Variants in MAP3K7 observed in about 807,000 individuals in gnomAD.
MAP3K7 encodes the protein TGF-beta activated kinase 1.
In MAP3K7, 21 loss-of-function variants were observed where a neutral mutation model predicts 84.8. The observed-to-expected ratio is 0.25, with a 90% confidence interval of 0.18 to 0.36. The LOEUF (loss-of-function observed/expected upper bound fraction) is 0.36. Ranked by LOEUF, MAP3K7 falls within the 10% of genes least tolerant of loss-of-function variation. MAP3K7 has a pLI of 1.00. For synonymous variants in MAP3K7, 241 were observed against 247.7 expected, an observed-to-expected ratio of 0.97 and a Z score of 0.25; for missense variants, 503 against 747.7, an observed-to-expected ratio of 0.67 and a Z score of 3.82.
At chr6:90,547,151 T>C in intron 11 of MAP3K7, 107 bp downstream of exon 11, 1 of 1,214,188 alleles carries the variant, frequency 8.2e-7, no homozygotes, top group East Asian at 2.6e-5. Flanking sequence ...ACTTCCTATT[T>C]AAAAAAAAAT....
intron 5 of MAP3K7, among the ~76,000 whole-genome samples, 162 bp from the exon 6 acceptor site, chr6:90,556,786 A>C (rs1776351400): frequency 6.6e-6 from 1 of 152,234 alleles, no homozygotes; most frequent in Non-Finnish European, 1.5e-5. Flanking sequence ...TAAAAGCCTA[A>C]TAGTTCAGAG....
Position 90,516,653 on chromosome 6 carries a change from C to T in MAP3K7, c.1669G>A (p.Asp557Asn), listed in dbSNP as rs1774972773. ...GATGTATTTTGCTGGTCCTTTTCAT[C>T]CTGGTCCAGTTCTGCAACTAGTTCT... Reference protein sequence around the residue: ...KQELVAELDQDEKDQQNTSRL... With the variant: ...KQELVAELDQNEKDQQNTSRL... Residue 557 changes from aspartate to asparagine, a missense_variant, in exon 17 of 17, where the codon GAT becomes AAT. This residue lies in a region of MAP3K7 where 36 missense variants were observed against 74.5 expected (regional missense o/e 0.48). Transcript: ENST00000369329. 1 of 1,607,428 alleles carries T rather than the reference C, an allele frequency of 6.2e-7. No homozygotes were observed. The highest frequency in any genetic ancestry group is 8.5e-7 in the Non-Finnish European group (1 of 1,177,786).
Position 90,571,677 on chromosome 6 carries a change from G to T in MAP3K7, c.231+20C>A, listed in dbSNP as rs1262798313. 6.9e-7 allele frequency: 1 copy of T among 1,440,882 alleles called. No homozygotes were observed. The highest frequency in any genetic ancestry group is 1.3e-5 in the South Asian group (1 of 79,882). 89.3% of individuals were successfully genotyped at this position (1,440,882 alleles called of 1,614,324 possible). ...ATCTTAAGTGCAGAACTACACAAAA[G>T]AAATGAAATCTCAACTTACCTCTAC... On this transcript the variant is annotated intron_variant, in intron 2 of 16. Coordinates refer to ENST00000369329, the MANE Select transcript of MAP3K7 (RefSeq NM_145331.3).
intron 13 of MAP3K7, among the ~76,000 whole-genome samples, chr6:90,528,957 TCTC>T (rs1387002185): frequency 6.6e-6 from 1 of 152,200 alleles, no homozygotes; most frequent in Non-Finnish European, 1.5e-5. Context: ...GTTCTTTTCT[TCTC>T]CTTGTTAATC....
chr6:90,576,654 A>T (rs1416373243), intron 1 of MAP3K7, among the ~76,000 whole-genome samples: 1 of 152,158 alleles, frequency 6.6e-6, no homozygotes, highest in Non-Finnish European at 1.5e-5. Context: ...AAAAAGACAA[A>T]TAAAAAGGAA....
chr6:90,521,451 T>C (rs186935231), intron 14 of MAP3K7, among the ~76,000 whole-genome samples: 167 of 152,220 alleles, frequency 1.1e-3, no homozygotes, highest in African/African-American at 3.5e-3. Flanking sequence ...TGCCTTCTCC[T>C]TTCTGCTTTA....
chr6:90,540,349 A>G (rs1336802550), intron 12 of MAP3K7, among the ~76,000 whole-genome samples: 3 of 151,890 alleles, frequency 2.0e-5, no homozygotes, highest in Non-Finnish European at 4.4e-5. Context: ...ATGTTCATCT[A>G]TAGAATGGAT....
At chr6:90,576,039 C>T (rs1562110561) in intron 1 of MAP3K7, among the ~76,000 whole-genome samples, 1 of 152,062 alleles carries the variant, frequency 6.6e-6, no homozygotes, top group Admixed American at 6.6e-5. Flanking sequence ...AAAAATGCCA[C>T]ATAGAACAAC....
At chr6:90,575,895 C>T in intron 1 of MAP3K7, among the ~76,000 whole-genome samples, 1 of 151,582 alleles carries the variant, frequency 6.6e-6, no homozygotes. Context: ...TTTGGGACAT[C>T]AGAAATACAG....
At chr6:90,555,769 G>C (rs547616375) in intron 6 of MAP3K7, among the ~76,000 whole-genome samples, 1 of 152,186 alleles carries the variant, frequency 6.6e-6, no homozygotes, top group Non-Finnish European at 1.5e-5. Flanking sequence ...CCATGTTTTT[G>C]TCAACTGATC....
chr6:90,562,547 G>A (rs1776559313), intron 3 of MAP3K7, among the ~76,000 whole-genome samples: 10 of 152,194 alleles, frequency 6.6e-5, no homozygotes, highest in Admixed American at 5.9e-4. Flanking sequence ...CCATTGCTGA[G>A]GCTTGAGTAG....
At chr6:90,562,769 T>G (rs899144789) in intron 3 of MAP3K7, among the ~76,000 whole-genome samples, 1 of 152,226 alleles carries the variant, frequency 6.6e-6, no homozygotes, top group African/African-American at 2.4e-5. Flanking sequence ...ACGGACAGAC[T>G]GCCTTCTCAA....
intron 14 of MAP3K7, among the ~76,000 whole-genome samples, chr6:90,520,392 TTTTG>T (rs1316001457): frequency 2.0e-5 from 3 of 151,862 alleles, no homozygotes; most frequent in African/African-American, 7.3e-5. Context: ...TTCTTTTTGC[TTTTG>T]TTTTTGTTTT....
At chr6:90,517,527 T>C (rs566118632) in intron 16 of MAP3K7, among the ~76,000 whole-genome samples, 1 of 151,950 alleles carries the variant, frequency 6.6e-6, no homozygotes, top group African/African-American at 2.4e-5. Context: ...GATTAAAGTA[T>C]GGCAAAAGTA....
At chr6:90,538,621 G>A (rs1304252279) in intron 12 of MAP3K7, among the ~76,000 whole-genome samples, 1 of 151,708 alleles carries the variant, frequency 6.6e-6, no homozygotes, top group Non-Finnish European at 1.5e-5. Flanking sequence ...ACATCACATT[G>A]CCAGTGCATA....
intron 11 of MAP3K7, among the ~76,000 whole-genome samples, chr6:90,546,993 C>A (rs564044389): frequency 6.6e-6 from 1 of 152,038 alleles, no homozygotes; most frequent in Non-Finnish European, 1.5e-5. Flanking sequence ...CATGTTTGAG[C>A]AGAAAGAATT....
At chr6:90,547,168 C>T in intron 11 of MAP3K7, 90 bp downstream of exon 11, 3 of 1,417,066 alleles carry the variant, frequency 2.1e-6, no homozygotes, top group South Asian at 2.5e-5. Context: ...AAATATAAGA[C>T]ACACACAAAA....
At chr6:90,553,623 A>G in intron 6 of MAP3K7, 37 bp from the exon 7 acceptor site, 1 of 1,555,220 alleles carries the variant, frequency 6.4e-7, no homozygotes, top group Non-Finnish European at 8.7e-7. Flanking sequence ...CCTAAAGACT[A>G]TTTTTCCACA....
chr6:90,544,518 C>G, intron 12 of MAP3K7, 34 bp downstream of exon 12: 1 of 1,579,696 alleles, frequency 6.3e-7, no homozygotes, highest in Admixed American at 1.7e-5. Flanking sequence ...TCCGGTTCCA[C>G]AGCTATTAGA....
Sources: gnomAD v4.1 joint callset for allele counts (sites outside exome capture counted in the v4.1 genomes callset) on GRCh38, gnomAD v4.1.1 for gene constraint, gnomAD v4.1.1 regional missense constraint, MANE v1.5 for transcripts, NCBI Gene and HGNC (gene_info 2026-07-23, HGNC 2026-07-21) for gene names.